GRM1: variants seen among roughly 807,000 people sequenced by gnomAD.
GRM1 encodes the protein glutamate metabotropic receptor 1.
In GRM1, 33 loss-of-function variants were observed where a neutral mutation model predicts 90.9. The ratio of observed to expected loss-of-function variants is 0.36; its 90% CI spans 0.28 to 0.49. The LOEUF (loss-of-function observed/expected upper bound fraction) is 0.49. GRM1 is among the 20% of genes least tolerant of loss of function. The pLI is 0.99. For synonymous variants in GRM1, 700 were observed against 613.2 expected (o/e 1.14, Z -2.09); for missense variants, 1,190 against 1,534.3 (o/e 0.78, Z 3.75).
At chr6:146,224,345 A>T (rs2114684927) in intron 2 of GRM1, among the ~76,000 whole-genome samples, 1 of 152,220 alleles carries the variant, frequency 6.6e-6, no homozygotes, top group East Asian at 1.9e-4. Context: ...CTTAGTGACA[A>T]AACTATTTTA....
At chr6:146,410,722 C>T (rs530212156) in intron 7 of GRM1, among the ~76,000 whole-genome samples, 13 of 152,068 alleles carry the variant, frequency 8.5e-5, no homozygotes, top group East Asian at 7.7e-4. Context: ...GTGCAGAGAG[C>T]GTATTCTAGG....
At chr6:146,404,113 A>T (rs1777250789) in intron 7 of GRM1, among the ~76,000 whole-genome samples, 1 of 152,130 alleles carries the variant, frequency 6.6e-6, no homozygotes, top group Admixed American at 6.6e-5. Flanking sequence ...TCTTAATCAC[A>T]CAATATATAG....
chr6:146,086,821 T>C (rs1776561507), intron 1 of GRM1, among the ~76,000 whole-genome samples: 1 of 151,998 alleles, frequency 6.6e-6, no homozygotes, highest in Non-Finnish European at 1.5e-5. Flanking sequence ...TAGTAGTCAT[T>C]CCCTACTCTA....
In GRM1 at chr6:146,233,523, T is replaced by C. The variant is rs1780517988; in HGVS notation, c.951-71088T>C. 2.0e-5 allele frequency among the ~76,000 whole-genome samples: 3 copies of C among 152,136 alleles called. No individual in the cohort carries two copies. In the South Asian group the frequency reaches 6.2e-4, roughly 31 times the overall value. On this transcript the variant is annotated intron_variant, in intron 2 of 7. Transcript: ENST00000282753. ...TTTCATTTTTACTTAAGCCAAAATATTTTCTCATTTCTCTTTTGATTTCCT... is the reference window on the plus strand; with the variant it reads ...TTTCATTTTTACTTAAGCCAAAATACTTTCTCATTTCTCTTTTGATTTCCT...
intron 5 of GRM1, among the ~76,000 whole-genome samples, chr6:146,380,422 G>A (rs970681661): frequency 1.3e-5 from 2 of 151,196 alleles, no homozygotes; most frequent in Non-Finnish European, 2.9e-5. Flanking sequence ...CATAGTCACT[G>A]CCACCCCAGG....
chr6:146,275,589 C>T (rs565637010), intron 2 of GRM1, among the ~76,000 whole-genome samples: 16 of 152,100 alleles, frequency 1.1e-4, no homozygotes, highest in African/African-American at 3.9e-4. Context: ...ATCTCTATCC[C>T]TATCCATAAG....
At chr6:146,209,023 CGA>C (rs1779587653) in intron 2 of GRM1, among the ~76,000 whole-genome samples, 1 of 151,860 alleles carries the variant, frequency 6.6e-6, no homozygotes, top group Non-Finnish European at 1.5e-5. Context: ...AGTTACAAAA[CGA>C]TATCATATTT....
chr6:146,235,002 C>A (rs1448513545), intron 2 of GRM1, among the ~76,000 whole-genome samples: 1 of 152,132 alleles, frequency 6.6e-6, no homozygotes, highest in Non-Finnish European at 1.5e-5. Context: ...TCCAAAAGTA[C>A]TAGGATTACA....
In GRM1 at chr6:146,180,636, TTTC is replaced by T. The variant is rs145783602; in HGVS notation, c.950+21042_950+21044del. Reference sequence around the variant, plus strand: ...TATAGGTTTTGCAACCTTGATCATTTTTCTTTTTTCTTTTTTTTTCTAAATCCA... The same window carrying T: ...TATAGGTTTTGCAACCTTGATCATTTTTTTTTCTTTTTTTTTCTAAATCCA... On this transcript the variant is annotated intron_variant, in intron 2 of 7. Transcript: ENST00000282753. Among the ~76,000 whole-genome samples, 821 of 152,302 alleles carry T rather than the reference TTTC, an allele frequency of 5.4e-3. 6 individuals carry two copies. Among genetic ancestry groups the T allele is most frequent in the African/African-American group, 0.019 (788 of 41,560 alleles).
chr6:146,146,596 T>C (rs2128886234), intron 1 of GRM1, among the ~76,000 whole-genome samples: 1 of 152,282 alleles, frequency 6.6e-6, no homozygotes, highest in Non-Finnish European at 1.5e-5. Flanking sequence ...ATGTTGAAAC[T>C]TAATCCCCAA....
In GRM1 at chr6:146,227,873, G is replaced by C. The variant is rs557638932; in HGVS notation, c.950+68276G>C. Among the ~76,000 whole-genome samples the C allele has an allele frequency of 1.7e-4, 26 of 152,236 alleles. 1 individual carries two copies. The highest frequency in any genetic ancestry group is 6.0e-4 in the African/African-American group (25 of 41,554). Reference sequence around the variant, plus strand: ...ACCACTATTTATTTATGAAGGTATTGAACATTCATTCTGGCAAAACAATTT... The same window carrying C: ...ACCACTATTTATTTATGAAGGTATTCAACATTCATTCTGGCAAAACAATTT... On this transcript the variant is annotated intron_variant, in intron 2 of 7. Transcript: ENST00000282753.
At chr6:146,261,830 C>T (rs1781704724) in intron 2 of GRM1, among the ~76,000 whole-genome samples, 1 of 151,566 alleles carries the variant, frequency 6.6e-6, no homozygotes, top group Non-Finnish European at 1.5e-5. Context: ...TAAAGTAAAG[C>T]AAAAGCAGAC....
intron 3 of GRM1, among the ~76,000 whole-genome samples, chr6:146,309,352 T>C (rs1354867546): frequency 6.6e-6 from 1 of 151,158 alleles, no homozygotes; most frequent in Non-Finnish European, 1.5e-5. Context: ...TGAGCCGAGA[T>C]CGCGCCACTG....
chr6:146,256,895 A>G (rs1345254747), intron 2 of GRM1, among the ~76,000 whole-genome samples: 1 of 152,090 alleles, frequency 6.6e-6, no homozygotes, highest in Non-Finnish European at 1.5e-5. Context: ...AGGGGTGTTC[A>G]TGGCCCTCTA....
intron 1 of GRM1, among the ~76,000 whole-genome samples, chr6:146,051,608 C>T (rs796409339): frequency 4.6e-5 from 7 of 152,176 alleles, no homozygotes; most frequent in African/African-American, 1.7e-4. Flanking sequence ...AAGCTATGAT[C>T]AGTTATGACT....
intron 2 of GRM1, among the ~76,000 whole-genome samples, chr6:146,164,473 A>G (rs564075220): frequency 9.9e-5 from 15 of 152,278 alleles, no homozygotes; most frequent in African/African-American, 3.6e-4. Flanking sequence ...TAGAGAGAGC[A>G]TGTAGCCTCA....
At chr6:146,380,211 C>T (rs1776268336) in intron 5 of GRM1, among the ~76,000 whole-genome samples, 1 of 152,128 alleles carries the variant, frequency 6.6e-6, no homozygotes, top group Non-Finnish European at 1.5e-5. Flanking sequence ...TCTCCCAGAG[C>T]CCTGTGTGGA....
At chr6:146,052,109 G>A (rs1347722309) in intron 1 of GRM1, among the ~76,000 whole-genome samples, 1 of 152,036 alleles carries the variant, frequency 6.6e-6, no homozygotes, top group Non-Finnish European at 1.5e-5. Flanking sequence ...TACAAAGTAG[G>A]ATTTTTTTAA....
At chr6:146,052,938 G>C (rs538606785) in intron 1 of GRM1, among the ~76,000 whole-genome samples, 1 of 152,046 alleles carries the variant, frequency 6.6e-6, no homozygotes, top group East Asian at 1.9e-4. Flanking sequence ...TGCCCCAAAA[G>C]CTTGAAGTAT....
Sources: gnomAD v4.1 joint callset for allele counts (sites outside exome capture counted in the v4.1 genomes callset) on GRCh38, gnomAD v4.1.1 for gene constraint, MANE v1.5 for transcripts, NCBI Gene and HGNC (gene_info 2026-07-23, HGNC 2026-07-21) for gene names.